Variants in WDPCP observed in about 807,000 individuals in gnomAD.
WDPCP encodes WD repeat containing planar cell polarity effector, also known as WD repeat-containing and planar cell polarity effector protein fritz homolog.
A neutral mutation model predicts 93.1 loss-of-function variants in WDPCP; 71 were observed. That is an observed-to-expected ratio of 0.76 (90% CI 0.63 to 0.93). The LOEUF (loss-of-function observed/expected upper bound fraction) is 0.93, where lower values mean the gene tolerates loss of function less well. Among genes scored for constraint, WDPCP ranks in the 40% least tolerant of loss-of-function variants. The probability of loss-of-function intolerance (pLI) is 0.00; values close to 1 mark genes in which losing one functional copy is unlikely to be tolerated. For synonymous variants in WDPCP, 315 were observed against 315.0 expected, an observed-to-expected ratio of 1.00 and a Z score of 0.00; for missense variants, 844 against 887.4, an observed-to-expected ratio of 0.95 and a Z score of 0.62.
At chr2:63,336,733 TA>T (rs1688393203) in intron 12 of WDPCP, among the ~76,000 whole-genome samples, 1 of 152,008 alleles carries the variant, frequency 6.6e-6, no homozygotes, top group South Asian at 2.1e-4. Context: ...ATTTAATTTT[TA>T]GGTAAAATAT....
chr2:63,472,177 T>C (rs1246623869), intron 6 of WDPCP, among the ~76,000 whole-genome samples: 1 of 151,988 alleles, frequency 6.6e-6, no homozygotes, highest in Non-Finnish European at 1.5e-5. Context: ...TCTTTTCTTT[T>C]TTTTTAAACT....
intron 1 of WDPCP, among the ~76,000 whole-genome samples, chr2:63,505,579 T>C (rs1701819488): frequency 2.0e-5 from 3 of 152,242 alleles, no homozygotes; most frequent in South Asian, 4.1e-4. Context: ...GCTTTTTTAA[T>C]TCTATATTAA....
At chr2:63,144,312 G>A (rs7581341) in intron 17 of WDPCP, among the ~76,000 whole-genome samples, 74,066 of 151,162 alleles carry the variant, frequency 0.49, 18,447 homozygotes, top group Middle Eastern at 0.54. Context: ...ACGGAGTCTC[G>A]CCCTGTCACC....
chr2:63,561,893 G>A (rs373988259), intron 1 of WDPCP, among the ~76,000 whole-genome samples: 1 of 152,222 alleles, frequency 6.6e-6, no homozygotes, highest in Non-Finnish European at 1.5e-5. Context: ...GGGCTGTGGA[G>A]CAACAGGAAA....
At chr2:63,810,642 T>A (rs192937689) in intron 2 of WDPCP, among the ~76,000 whole-genome samples, 1,573 of 152,272 alleles carry the variant, frequency 0.01, 10 homozygotes, top group South Asian at 0.022. Context: ...ACCAGGCAAG[T>A]ACCAAATCAG....
chr2:63,489,011 C>A (rs1009324253), intron 2 of WDPCP, among the ~76,000 whole-genome samples: 1 of 151,926 alleles, frequency 6.6e-6, no homozygotes, highest in Non-Finnish European at 1.5e-5. Flanking sequence ...GTTAGAACTC[C>A]AGCAGGGTAA....
chr2:63,608,983 T>C (rs547446800), intron 3 of WDPCP, among the ~76,000 whole-genome samples: 1 of 152,302 alleles, frequency 6.6e-6, no homozygotes, highest in South Asian at 2.1e-4. Context: ...GTTATTTTCT[T>C]TCAGTTCCAA....
rs1301837622 is a variant in WDPCP, at chr2:63,121,207, T to G, written c.*799A>C. 6.6e-6 allele frequency among the ~76,000 whole-genome samples: 1 copy of G among 151,958 alleles called. No homozygotes were observed. Among genetic ancestry groups the G allele is most frequent in the Non-Finnish European group, 1.5e-5 (1 of 67,970 alleles). On this transcript the variant is annotated 3_prime_UTR_variant, in exon 18 of 18. Transcript: ENST00000272321. Reference sequence around the variant, plus strand: ...CTCCAGAGGGAAACAGTATCTGTGTTCTAAGGGGCAGTCAGGGCAAATTAC... The same window carrying G: ...CTCCAGAGGGAAACAGTATCTGTGTGCTAAGGGGCAGTCAGGGCAAATTAC...
chr2:63,141,448 A>G (rs533166355), intron 17 of WDPCP, among the ~76,000 whole-genome samples: 1 of 152,334 alleles, frequency 6.6e-6, no homozygotes, highest in South Asian at 2.1e-4. Flanking sequence ...CCATCCCTAC[A>G]TCCCTGGTAT....
intron 6 of WDPCP, among the ~76,000 whole-genome samples, chr2:63,474,396 T>G (rs1699853336): frequency 6.6e-6 from 1 of 152,122 alleles, no homozygotes; most frequent in Non-Finnish European, 1.5e-5. Context: ...AACATTTACT[T>G]TAATTGGACA....
chr2:63,685,973 A>G (rs1217730395), intron 2 of WDPCP, among the ~76,000 whole-genome samples: 3 of 152,254 alleles, frequency 2.0e-5, no homozygotes, highest in Non-Finnish European at 2.9e-5. Context: ...AATAAAAGCC[A>G]TATGTGACAG....
chr2:63,588,411 G>A lies in WDPCP; in HGVS notation c.-140C>T, dbSNP rs1476709816. ...TTCCTCAGGTGCTACAAAGCAGCCA[G>A]GGTGTGCGTGCGCTCCCGCCTCGTC... On this transcript the variant is annotated 5_prime_UTR_variant, in exon 1 of 18. Coordinates refer to ENST00000272321, the MANE Select transcript of WDPCP (RefSeq NM_015910.7). The A allele has an allele frequency of 2.1e-6, 2 of 974,936 alleles. No homozygotes were observed. The highest frequency in any genetic ancestry group is 2.6e-5 in the East Asian group (1 of 38,312). 60.4% of individuals were successfully genotyped at this position (974,936 alleles called of 1,614,324 possible).
chr2:63,742,226 A>AAG (rs1669729001), intron 2 of WDPCP, among the ~76,000 whole-genome samples: 1 of 152,084 alleles, frequency 6.6e-6, no homozygotes, highest in South Asian at 2.1e-4. Flanking sequence ...AAATGGAAAG[A>AAG]AAGAAACAGG....
At chr2:63,677,808 CA>C (rs1276104812) in intron 2 of WDPCP, among the ~76,000 whole-genome samples, 1 of 151,992 alleles carries the variant, frequency 6.6e-6, no homozygotes, top group East Asian at 1.9e-4. Flanking sequence ...TGTTCTCTAG[CA>C]AAAGGAAAAC....
chr2:63,722,558 T>TG (rs561385087), intron 2 of WDPCP, among the ~76,000 whole-genome samples: 3,834 of 49,952 alleles, frequency 0.077, 406 homozygotes, highest in African/African-American at 0.13. Flanking sequence ...GGGAGGGAGG[T>TG]GGGGGGGGGT....
At chr2:63,129,374 C>T (rs1670140638) in intron 17 of WDPCP, among the ~76,000 whole-genome samples, 1 of 152,198 alleles carries the variant, frequency 6.6e-6, no homozygotes, top group Non-Finnish European at 1.5e-5. Flanking sequence ...ACAGGGGCAA[C>T]ACCATTTTAT....
At chr2:63,767,276 T>C (rs1670155459) in intron 2 of WDPCP, among the ~76,000 whole-genome samples, 1 of 152,172 alleles carries the variant, frequency 6.6e-6, no homozygotes, top group Non-Finnish European at 1.5e-5. Flanking sequence ...TTTCTAGTTT[T>C]GAGCTATTAC....
intron 2 of WDPCP, among the ~76,000 whole-genome samples, chr2:63,731,577 T>C (rs1029285116): frequency 5.3e-5 from 8 of 152,168 alleles, no homozygotes; most frequent in African/African-American, 1.9e-4. Context: ...GATACTAAGA[T>C]CCAGTGGTAT....
At chr2:63,123,831 C>T (rs1479069036) in intron 17 of WDPCP, among the ~76,000 whole-genome samples, 13 of 150,838 alleles carry the variant, frequency 8.6e-5, no homozygotes, top group African/African-American at 1.5e-4. Context: ...TTTTTCTCCA[C>T]GTTTTATTTA....
Sources: allele counts gnomAD v4.1 joint callset (sites outside exome capture counted in the v4.1 genomes callset), GRCh38; gene constraint gnomAD v4.1.1; transcripts MANE v1.5; gene names NCBI Gene and HGNC (gene_info 2026-07-23, HGNC 2026-07-21).